MBNL2: variants seen among roughly 807,000 people sequenced by gnomAD.
MBNL2 encodes muscleblind like splicing regulator 2.
In MBNL2, 17 loss-of-function variants were observed where a neutral mutation model predicts 41.9. The observed-to-expected ratio is 0.41, with a 90% CI of 0.28 to 0.61. The LOEUF is 0.61. Among genes scored for constraint, MBNL2 ranks in the 20% least tolerant of loss-of-function variants. The pLI is 0.35. For missense variants in MBNL2, 336 were observed against 505.6 expected (o/e 0.66, Z 3.22); for synonymous variants, 195 against 182.9 (o/e 1.07, Z -0.53).
At chr13:97,251,594 T>C (rs192633415) in intron 1 of MBNL2, among the ~76,000 whole-genome samples, 3 of 152,368 alleles carry the variant, frequency 2.0e-5, no homozygotes, top group African/African-American at 7.2e-5. Flanking sequence ...GTTGTTATTC[T>C]TCTTTGCATT....
chr13:97,201,523 A>G, the MBNL2 span, among the ~76,000 whole-genome samples: 9 of 152,208 alleles, frequency 5.9e-5, no homozygotes, highest in Non-Finnish European at 1.3e-4. Context: ...GGCTATTTGA[A>G]ATTATTTACT....
the MBNL2 span, among the ~76,000 whole-genome samples, chr13:97,180,873 A>G: frequency 6.6e-6 from 1 of 152,154 alleles, no homozygotes; most frequent in Non-Finnish European, 1.5e-5. Context: ...TCACAGTTCT[A>G]AAGGTTAGAA....
At chr13:97,245,739 A>G (rs2045330430) in intron 1 of MBNL2, among the ~76,000 whole-genome samples, 3 of 152,234 alleles carry the variant, frequency 2.0e-5, no homozygotes. Context: ...GATTGAGTCC[A>G]TCGAAATGGT....
rs549630424 is a variant in MBNL2, at chr13:97,386,217, T to C, written c.1049-5105T>C. 3.3e-5 allele frequency among the ~76,000 whole-genome samples: 5 copies of C among 152,372 alleles called. No individual in the cohort carries two copies. In the South Asian group the frequency reaches 1.0e-3, roughly 32 times the overall value. On this transcript the variant is annotated intron_variant, in intron 8 of 8. Coordinates refer to ENST00000679496, the MANE Select transcript of MBNL2 (RefSeq NM_001382683.1). Reference sequence around the variant, plus strand: ...CTGCTGCCTGCCATGATGTTGCCTGTAGCGTTGGCTGATGCCAGCTCAGGA... The same window carrying C: ...CTGCTGCCTGCCATGATGTTGCCTGCAGCGTTGGCTGATGCCAGCTCAGGA...
In MBNL2 at chr13:97,357,616, C is replaced by T. The variant is rs2063096146; in HGVS notation, c.993C>T (p.His331=). 5.0e-6 allele frequency: 8 copies of T among 1,613,968 alleles called. No homozygotes were observed. The highest frequency in any genetic ancestry group is 5.1e-6 in the Non-Finnish European group (6 of 1,179,938). ...QALTSAQLQQ[H]AAFIPTGSVL... is the part of the protein sequence containing the mutation. ...TCACCAGCGCACAGTTGCAGCAACA[C>T]GCCGCGTTCATTCCAACAGGTATGT... The change falls in exon 7 of 9, where the codon CAC becomes CAT. Residue 331 remains histidine, a synonymous_variant. Coordinates refer to ENST00000679496, the MANE Select transcript of MBNL2 (RefSeq NM_001382683.1).
intron 1 of MBNL2, among the ~76,000 whole-genome samples, chr13:97,228,529 C>CTTTT (rs5806008): frequency 2.3e-4 from 29 of 128,102 alleles, no homozygotes; most frequent in African/African-American, 7.9e-4. Flanking sequence ...TATTTATTAT[C>CTTTT]TTTTTTTTTT....
the MBNL2 span, among the ~76,000 whole-genome samples, chr13:97,147,479 T>A: frequency 6.6e-6 from 1 of 152,238 alleles, no homozygotes; most frequent in African/African-American, 2.4e-5. Context: ...GAATGATTTT[T>A]TTTTTACCTA....
the MBNL2 span, among the ~76,000 whole-genome samples, chr13:97,149,536 TAAG>T: frequency 6.6e-6 from 1 of 152,174 alleles, no homozygotes; most frequent in South Asian, 2.1e-4. Context: ...AGCAAACACT[TAAG>T]AAGCTTATGA....
chr13:97,165,367 C>A, the MBNL2 span, among the ~76,000 whole-genome samples: 1 of 152,176 alleles, frequency 6.6e-6, no homozygotes, highest in East Asian at 1.9e-4. Context: ...TCATCTCTAT[C>A]TGTGACACAG....
chr13:97,192,689 A>T, the MBNL2 span, among the ~76,000 whole-genome samples: 3 of 152,252 alleles, frequency 2.0e-5, no homozygotes, highest in Non-Finnish European at 4.4e-5. Context: ...GAATTAGCCA[A>T]GGACCTGACC....
chr13:97,305,542 T>C lies in MBNL2; in HGVS notation c.175-28734T>C, dbSNP rs144315392. 3.9e-3 allele frequency among the ~76,000 whole-genome samples: 588 copies of C among 152,274 alleles called. 6 individuals are homozygous for C. Among genetic ancestry groups the C allele is most frequent in the African/African-American group, 0.014 (568 of 41,566 alleles). ...ACTTTGGGAGGCTAAGGCAGGCTGA[T>C]CACTTGAGCCCAGGAGTTTGAGACC... is the stretch of plus-strand genomic sequence containing the variant. On this transcript the variant is annotated intron_variant, in intron 2 of 8. Transcript: ENST00000679496.
At chr13:97,361,498 A>G (rs141034165) in intron 7 of MBNL2, among the ~76,000 whole-genome samples, 224 of 152,296 alleles carry the variant, frequency 1.5e-3, no homozygotes, top group African/African-American at 5.2e-3. Flanking sequence ...ACACATGCAT[A>G]AGTTATGCAT....
intron 2 of MBNL2, among the ~76,000 whole-genome samples, chr13:97,285,022 AAAG>A (rs1318665645): frequency 9.8e-5 from 15 of 152,322 alleles, no homozygotes; most frequent in African/African-American, 3.1e-4. Context: ...AAGGAGAAAG[AAAG>A]AAATATTTAT....
rs538523135 is a variant in MBNL2, at chr13:97,392,198, C to A, written c.*749C>A. 6.6e-6 allele frequency: 1 copy of A among 152,606 alleles called. No individual in the cohort carries two copies. The highest frequency in any genetic ancestry group is 1.5e-5 in the Non-Finnish European group (1 of 68,008). The allele number at this position is 152,606 out of a possible 1,614,324, so 9.5% of individuals were successfully genotyped here. A position where few individuals can be genotyped will look rare whatever the true frequency, so the allele number is the denominator to read the frequency against. On this transcript the variant is annotated 3_prime_UTR_variant, in exon 9 of 9. Transcript: ENST00000679496. ...AGATTGAGAGGCCCATGCCAACAGT[C>A]TAATCTAAGAGATTAGTCTTTCAAA...
At chr13:97,240,990 A>ATGAC (rs1220003197) in intron 1 of MBNL2, among the ~76,000 whole-genome samples, 1 of 152,186 alleles carries the variant, frequency 6.6e-6, no homozygotes, top group African/African-American at 2.4e-5. Flanking sequence ...TTGGAAATGA[A>ATGAC]TGACTGACTG....
chr13:97,155,600 T>C, the MBNL2 span, among the ~76,000 whole-genome samples: 1 of 145,822 alleles, frequency 6.9e-6, no homozygotes, highest in Admixed American at 6.9e-5. Context: ...CCTGTGTCCA[T>C]GTGATCTGAT....
At chr13:97,321,946 G>A (rs935831656) in intron 2 of MBNL2, among the ~76,000 whole-genome samples, 1 of 152,208 alleles carries the variant, frequency 6.6e-6, no homozygotes. Flanking sequence ...CTAAGAGCTT[G>A]TAGTGAAGAC....
At chr13:97,307,404 A>G (rs2058222717) in intron 2 of MBNL2, among the ~76,000 whole-genome samples, 1 of 152,128 alleles carries the variant, frequency 6.6e-6, no homozygotes, top group Non-Finnish European at 1.5e-5. Flanking sequence ...TGGAAAAAAA[A>G]AAACCTGGAG....
At chr13:97,209,752 A>G in the MBNL2 span, among the ~76,000 whole-genome samples, 3 of 152,138 alleles carry the variant, frequency 2.0e-5, no homozygotes, top group Non-Finnish European at 4.4e-5. Context: ...GGCTATTGTC[A>G]ATATTAAAAA....
Sources: gnomAD v4.1 joint callset for allele counts (sites outside exome capture counted in the v4.1 genomes callset) on GRCh38, gnomAD v4.1.1 for gene constraint, MANE v1.5 for transcripts, NCBI Gene and HGNC (gene_info 2026-07-23, HGNC 2026-07-21) for gene names.